PKD1L1: variants seen among roughly 807,000 people sequenced by gnomAD.
PKD1L1 encodes the protein polycystin-1-like protein 1.
PKD1L1 carries 236 observed loss-of-function variants against 323.4 expected under a neutral mutation model. The observed-to-expected ratio is 0.73, with a 90% CI of 0.66 to 0.81. The LOEUF (loss-of-function observed/expected upper bound fraction) is 0.81, where lower values mean the gene tolerates loss of function less well. Ranked by LOEUF, PKD1L1 falls within the 40% of genes least tolerant of loss-of-function variation. PKD1L1 has a pLI of 0.00. For missense variants in PKD1L1, 3,320 were observed against 3,508.0 expected, an observed-to-expected ratio of 0.95 and a Z score of 1.35; for synonymous variants, 1,344 against 1,335.0, an observed-to-expected ratio of 1.01 and a Z score of -0.15.
In PKD1L1 at chr7:47,880,764, TC is replaced by T; in HGVS notation, c.3483del (p.Ser1162AlafsTer26). The T allele has an allele frequency of 6.2e-7, 1 of 1,609,206 alleles. No individual in the cohort carries two copies. The highest frequency in any genetic ancestry group is 8.5e-7 in the Non-Finnish European group (1 of 1,177,098). On this transcript the variant is annotated frameshift_variant, in exon 21 of 57. Coordinates refer to ENST00000289672, the MANE Select transcript of PKD1L1 (RefSeq NM_138295.5). LOFTEE classifies it high-confidence loss of function. ...TGCAGGACGTACGTCTCTCCACTGCTCAGAGAGTATGGCTTGATTGTCACTG... is the reference window on the plus strand; with the variant it reads ...TGCAGGACGTACGTCTCTCCACTGCTAGAGAGTATGGCTTGATTGTCACTG... ...EQTVTIKPYS[L>X]SSGETYVLQV...
chr7:47,879,565 G>A (rs62447076), intron 21 of PKD1L1, among the ~76,000 whole-genome samples: 49,445 of 140,172 alleles, frequency 0.35, 9,842 homozygotes, highest in African/African-American at 0.55. Context: ...CCTGGGAGGT[G>A]GAGGTTGCAG....
intron 9 of PKD1L1, among the ~76,000 whole-genome samples, 191 bp from the exon 10 acceptor site, chr7:47,906,153 A>T (rs1232294156): frequency 1.3e-5 from 2 of 152,252 alleles, no homozygotes; most frequent in African/African-American, 4.8e-5. Context: ...AATTTCTGTC[A>T]TTAAATTTTT....
chr7:47,779,735 C>A (rs1786647634), intron 56 of PKD1L1, among the ~76,000 whole-genome samples: 1 of 152,142 alleles, frequency 6.6e-6, no homozygotes, highest in Non-Finnish European at 1.5e-5. Context: ...ACAGATGAGG[C>A]CAAAATCTCA....
chr7:47,790,658 G>T (rs536317244), intron 56 of PKD1L1, among the ~76,000 whole-genome samples: 2 of 152,242 alleles, frequency 1.3e-5, no homozygotes, highest in Admixed American at 1.3e-4. Context: ...AACTCACTTG[G>T]AGATGACTTG....
chr7:47,827,223 G>A, intron 45 of PKD1L1, 127 bp downstream of exon 45: 1 of 779,406 alleles, frequency 1.3e-6, no homozygotes, highest in African/African-American at 1.7e-5. Flanking sequence ...ACAGCAAGGT[G>A]GTCCCCACCT....
intron 4 of PKD1L1, 119 bp downstream of exon 4, chr7:47,936,727 A>AC (rs1307070072): frequency 1.3e-6 from 1 of 744,770 alleles, no homozygotes; most frequent in East Asian, 2.6e-5. Flanking sequence ...GCATTTGCTA[A>AC]CCCACCCTCG....
intron 13 of PKD1L1, among the ~76,000 whole-genome samples, chr7:47,899,761 C>T (rs1433404651): frequency 6.6e-6 from 1 of 152,030 alleles, no homozygotes; most frequent in Non-Finnish European, 1.5e-5. Context: ...TCAAGACCAT[C>T]CTGGCTAACA....
At chr7:47,908,965 A>G (rs1209896165) in intron 8 of PKD1L1, among the ~76,000 whole-genome samples, 1 of 152,160 alleles carries the variant, frequency 6.6e-6, no homozygotes, top group Non-Finnish European at 1.5e-5. Context: ...CCATGGCCCC[A>G]GCCAAGGGTC....
At chr7:47,806,556 C>T (rs1000500796) in intron 52 of PKD1L1, among the ~76,000 whole-genome samples, 1 of 152,232 alleles carries the variant, frequency 6.6e-6, no homozygotes, top group Non-Finnish European at 1.5e-5. Flanking sequence ...CAGTCCTCAT[C>T]GGGCCCTAAT....
At chr7:47,877,392 G>A in intron 22 of PKD1L1, 97 bp downstream of exon 22, 1 of 1,499,636 alleles carries the variant, frequency 6.7e-7, no homozygotes, top group Non-Finnish European at 9.1e-7. Context: ...AGGTGGGAAG[G>A]ACATTGCTGT....
In PKD1L1 at chr7:47,882,049, A is replaced by C; in HGVS notation, c.3302T>G (p.Leu1101Trp). Residue 1101 changes from leucine to tryptophan, a missense_variant, in exon 20 of 57, where the codon TTG (leucine) becomes TGG (tryptophan). Transcript: ENST00000289672. ...DTSFPGSGPSLSAEESPGDGD... is the reference protein window; with the variant it reads ...DTSFPGSGPSWSAEESPGDGD... ...ATCTCCAGGGCTCTCCTCGGCACTC[A>C]AGCTAGGTCCTGATCCTGGAAAGCT... The C allele has an allele frequency of 5.6e-6, 9 of 1,613,764 alleles. No homozygotes were observed. Among genetic ancestry groups the C allele is most frequent in the Non-Finnish European group, 7.6e-6 (9 of 1,179,934 alleles).
rs1020397601 is a variant in PKD1L1, at chr7:47,859,482, C to T, written c.4150-597G>A. On this transcript the variant is annotated intron_variant, in intron 26 of 56. Transcript: ENST00000289672. ...TCTTTTCCTTTTTTTTTCTTTCTCTCTCTCTTTTTGTTTAGAGATGGGGTC... is the reference window on the plus strand; with the variant it reads ...TCTTTTCCTTTTTTTTTCTTTCTCTTTCTCTTTTTGTTTAGAGATGGGGTC... Among the ~76,000 whole-genome samples the T allele has an allele frequency of 3.3e-5, 5 of 151,746 alleles. No homozygotes were observed. The East Asian group carries it at 9.6e-4, about 29-fold the overall frequency.
chr7:47,830,872 C>CAGT (rs1446095742), intron 42 of PKD1L1, among the ~76,000 whole-genome samples: 1 of 152,178 alleles, frequency 6.6e-6, no homozygotes, highest in Admixed American at 6.5e-5. Context: ...AGACCATGAA[C>CAGT]AGTATATTCT....
upstream of PKD1L1, among the ~76,000 whole-genome samples, chr7:47,952,636 C>CAA (rs1788220579): frequency 2.0e-5 from 3 of 152,146 alleles, no homozygotes; most frequent in Non-Finnish European, 4.4e-5. Flanking sequence ...TGTTAATTTG[C>CAA]AGGGAAATAT....
At chr7:47,855,309 T>A in intron 28 of PKD1L1, 44 bp from the exon 29 acceptor site, 1 of 1,451,230 alleles carries the variant, frequency 6.9e-7, no homozygotes, top group Non-Finnish European at 9.6e-7. Context: ...CAGCAAGCAA[T>A]GGACTTAAGT....
At chr7:47,876,404 TCA>T (rs1169687931) in intron 22 of PKD1L1, among the ~76,000 whole-genome samples, 187 bp from the exon 23 acceptor site, 5 of 152,058 alleles carry the variant, frequency 3.3e-5, no homozygotes, top group Non-Finnish European at 5.9e-5. Context: ...GGCTCTCCAT[TCA>T]CCAAGCCCAA....
chr7:47,813,913 G>C lies in PKD1L1; in HGVS notation c.7173+18C>G. The C allele has an allele frequency of 6.2e-7, 1 of 1,605,438 alleles. No homozygotes were observed. Among genetic ancestry groups the C allele is most frequent in the Non-Finnish European group, 8.5e-7 (1 of 1,172,192 alleles). The stretch of plus-strand genomic sequence containing the variant: ...ATTCCATTTATTCTTGGAAGCAAAA[G>C]GAAAAGGAACATCTTACCTTGCATA... On this transcript the variant is annotated intron_variant, in intron 48 of 56. Coordinates refer to ENST00000289672, the MANE Select transcript of PKD1L1 (RefSeq NM_138295.5).
At chr7:47,852,202 C>T (rs1196515662) in intron 31 of PKD1L1, among the ~76,000 whole-genome samples, 3 of 151,964 alleles carry the variant, frequency 2.0e-5, no homozygotes, top group African/African-American at 7.3e-5. Context: ...GCAGATAAGG[C>T]AAATGTGGCA....
intron 23 of PKD1L1, 41 bp from the exon 24 acceptor site, chr7:47,874,051 T>G: frequency 7.7e-7 from 1 of 1,293,090 alleles, no homozygotes; most frequent in African/African-American, 1.5e-5. Flanking sequence ...CTTGGACATG[T>G]GGGTTACAGA....
Sources: gnomAD v4.1 joint callset for allele counts (sites outside exome capture counted in the v4.1 genomes callset) on GRCh38, gnomAD v4.1.1 for gene constraint, MANE v1.5 for transcripts, NCBI Gene and HGNC (gene_info 2026-07-23, HGNC 2026-07-21) for gene names.